Variants in CEP70 observed in about 807,000 individuals in gnomAD.
CEP70 encodes centrosomal protein of 70 kDa.
Under a neutral mutation model 90.9 loss-of-function variants are expected in CEP70, and 70 were observed. That is an observed-to-expected ratio of 0.77 (90% confidence interval 0.64 to 0.94). The LOEUF (loss-of-function observed/expected upper bound fraction) is 0.94. CEP70 is among the 40% of genes least tolerant of loss of function. The probability of loss-of-function intolerance (pLI) is 0.00; values close to 1 mark genes in which losing one functional copy is unlikely to be tolerated. For missense variants in CEP70, 648 were observed against 669.0 expected, an observed-to-expected ratio of 0.97 and a Z score of 0.35; for synonymous variants, 220 against 228.3, an observed-to-expected ratio of 0.96 and a Z score of 0.33.
intron 2 of CEP70, among the ~76,000 whole-genome samples, chr3:138,583,843 A>G (rs771488381): frequency 6.6e-6 from 1 of 152,128 alleles, no homozygotes; most frequent in Non-Finnish European, 1.5e-5. Flanking sequence ...AAGTGCCTAC[A>G]TGAAAAGAAA....
At chr3:138,592,943 C>T (rs1353764745) in intron 1 of CEP70, 1 of 152,188 alleles carries the variant, frequency 6.6e-6, no homozygotes, top group Non-Finnish European at 1.5e-5. Context: ...AATATTGCAA[C>T]TTGCTGTTTA....
At chr3:138,552,185 C>T (rs973514594) in intron 6 of CEP70, among the ~76,000 whole-genome samples, 2 of 152,114 alleles carry the variant, frequency 1.3e-5, no homozygotes, top group Non-Finnish European at 2.9e-5. Flanking sequence ...ACAACTACTA[C>T]TAGACCTAAG....
chr3:138,531,419 CTA>C, intron 8 of CEP70: 1 of 152,264 alleles, frequency 6.6e-6, no homozygotes, highest in East Asian at 1.9e-4. Context: ...TGTCTGCAGG[CTA>C]TATTCAGCAG....
At chr3:138,527,826 T>A (rs962777134) in intron 10 of CEP70, among the ~76,000 whole-genome samples, 1 of 152,042 alleles carries the variant, frequency 6.6e-6, no homozygotes, top group African/African-American at 2.4e-5. Context: ...AGTGCTGGTA[T>A]TATAGGTATG....
intron 11 of CEP70, among the ~76,000 whole-genome samples, chr3:138,523,975 T>C (rs529156694): frequency 4.8e-5 from 7 of 147,154 alleles, no homozygotes; most frequent in African/African-American, 1.3e-4. Flanking sequence ...CTTCAAACTA[T>C]ACTACAAGGC....
Position 138,527,168 on chromosome 3 carries a change from T to G in CEP70, c.870-1604A>C, listed in dbSNP as rs184847840. Among the ~76,000 whole-genome samples the G allele has an allele frequency of 3.4e-5, 5 of 146,160 alleles. No individual in the cohort carries two copies. The East Asian group carries it at 7.8e-4, about 23-fold the overall frequency. On this transcript the variant is annotated intron_variant, in intron 10 of 17. Coordinates refer to ENST00000264982, the MANE Select transcript of CEP70 (RefSeq NM_024491.4). ...GGGCAAGAGATAACTTTTAGAGTTTTTTGTTTTGTTTTGTTTTAAGAGACA... is the reference window on the plus strand; with the variant it reads ...GGGCAAGAGATAACTTTTAGAGTTTGTTGTTTTGTTTTGTTTTAAGAGACA...
chr3:138,521,996 G>A (rs2036701521), intron 11 of CEP70, among the ~76,000 whole-genome samples: 1 of 152,162 alleles, frequency 6.6e-6, no homozygotes, highest in African/African-American at 2.4e-5. Context: ...CCAACCCCTT[G>A]CTCTCTGAAA....
intron 13 of CEP70, 34 bp downstream of exon 13, chr3:138,505,261 T>C: frequency 6.7e-7 from 1 of 1,501,860 alleles, no homozygotes; most frequent in Non-Finnish European, 9.0e-7. Context: ...GTCCAATAGA[T>C]GTTCAAAGCA....
chr3:138,537,305 C>G lies in CEP70; in HGVS notation c.508G>C (p.Glu170Gln), dbSNP rs1164349607. The G allele has an allele frequency of 2.5e-6, 4 of 1,600,886 alleles. No individual in the cohort carries two copies. Among genetic ancestry groups the G allele is most frequent in the Non-Finnish European group, 2.6e-6 (3 of 1,175,878 alleles). The change falls in exon 7 of 18, where the codon GAA becomes CAA. Residue 170 changes from glutamate (E) to glutamine (Q), a missense_variant. Glu to Gln is a conservative substitution (Grantham distance 29). Transcript: ENST00000264982. ...TCCATTTGCAAAGAAGCAATAGTTTCTTCTTGCTCCGTTCGTTTTTTCTTA... is the reference window on the plus strand; with the variant it reads ...TCCATTTGCAAAGAAGCAATAGTTTGTTCTTGCTCCGTTCGTTTTTTCTTA... ...HYKKKRTEQE[E>Q]TIASLQMEVC...
chr3:138,549,822 C>T (rs199549232), intron 6 of CEP70, among the ~76,000 whole-genome samples: 4 of 152,130 alleles, frequency 2.6e-5, no homozygotes, highest in Admixed American at 2.6e-4. Flanking sequence ...CACTCCCATG[C>T]CACTTCCACC....
chr3:138,503,953 T>A (rs1237002806), intron 13 of CEP70, among the ~76,000 whole-genome samples: 2 of 152,248 alleles, frequency 1.3e-5, no homozygotes, highest in East Asian at 1.9e-4. Context: ...AATCTTGTGT[T>A]CATCCCATAA....
chr3:138,593,063 C>T (rs1158360350), intron 1 of CEP70: 1 of 152,254 alleles, frequency 6.6e-6, no homozygotes, highest in East Asian at 1.9e-4. Flanking sequence ...GGGGCAGAAC[C>T]TTGCTTTGAA....
At position 138,500,766 on chromosome 3, in the gene CEP70, GTATCTAC is replaced by G; in HGVS notation, c.1330_1336del (p.Val444LeufsTer37). 1.2e-6 allele frequency: 2 copies of G among 1,602,398 alleles called. No homozygotes were observed. Among genetic ancestry groups the G allele is most frequent in the Middle Eastern group, 3.3e-4 (2 of 6,016 alleles). On this transcript the variant is annotated frameshift_variant, in exon 14 of 18. Transcript: ENST00000264982. LOFTEE classifies it high-confidence loss of function. ...CTTATTTTCAACTTCTTCCAGCATAGTATCTACTATAAACAACAAATCTTCAACTTTG... is the reference window on the plus strand; with the variant it reads ...CTTATTTTCAACTTCTTCCAGCATAGTATAAACAACAAATCTTCAACTTTG...
intron 6 of CEP70, among the ~76,000 whole-genome samples, chr3:138,557,313 T>C (rs920954204): frequency 2.0e-5 from 3 of 152,158 alleles, no homozygotes; most frequent in African/African-American, 7.2e-5. Context: ...ACACATGCTC[T>C]ACAAACAATT....
At chr3:138,578,518 T>C (rs2041675813) in intron 2 of CEP70, among the ~76,000 whole-genome samples, 1 of 152,122 alleles carries the variant, frequency 6.6e-6, no homozygotes, top group Admixed American at 6.5e-5. Context: ...TACATTTCCA[T>C]GACAGAGCCC....
chr3:138,508,574 C>T lies in CEP70; in HGVS notation c.945-30G>A, dbSNP rs748438259. 8 of 1,368,414 alleles carry T rather than the reference C, an allele frequency of 5.8e-6. No individual in the cohort carries two copies. In the Admixed American group the frequency reaches 6.7e-5, roughly 11 times the overall value. The allele number at this position is 1,368,414 out of a possible 1,614,324, so 84.8% of individuals were successfully genotyped here. A position where few individuals can be genotyped will look rare whatever the true frequency, so the allele number is the denominator to read the frequency against. ...AAGGGGGAAAAAAATCAAGATAATA[C>T]AAAATTACTTCCTAGACACTGGACC... On this transcript the variant is annotated intron_variant, in intron 11 of 17. Coordinates refer to ENST00000264982, the MANE Select transcript of CEP70 (RefSeq NM_024491.4).
At chr3:138,594,080 A>G (rs987408105) in intron 1 of CEP70, 118 bp downstream of exon 1, 6 of 152,268 alleles carry the variant, frequency 3.9e-5, no homozygotes, top group Non-Finnish European at 8.8e-5. Context: ...CCTGTCCCAG[A>G]TGGCTCCTCC....
At chr3:138,566,375 C>G (rs1244364789) in intron 6 of CEP70, among the ~76,000 whole-genome samples, 4 of 152,150 alleles carry the variant, frequency 2.6e-5, no homozygotes, top group Non-Finnish European at 5.9e-5. Flanking sequence ...AAGACACATG[C>G]ACACGTTTAT....
At chr3:138,527,842 C>A (rs2037430369) in intron 10 of CEP70, among the ~76,000 whole-genome samples, 1 of 152,024 alleles carries the variant, frequency 6.6e-6, no homozygotes, top group African/African-American at 2.4e-5. Flanking sequence ...GTATGAGCCA[C>A]TGCACCTAGC....
Sources: gnomAD v4.1 joint callset for allele counts (sites outside exome capture counted in the v4.1 genomes callset) on GRCh38, gnomAD v4.1.1 for gene constraint, MANE v1.5 for transcripts, NCBI Gene and HGNC (gene_info 2026-07-23, HGNC 2026-07-21) for gene names.